SULT1E1: variants seen among roughly 807,000 people sequenced by gnomAD.
SULT1E1 encodes the protein sulfotransferase 1E1.
A neutral mutation model predicts 33.6 loss-of-function variants in SULT1E1; 36 were observed. The ratio of observed to expected loss-of-function variants is 1.07; its 90% confidence interval spans 0.82 to 1.41. The LOEUF is 1.41. SULT1E1 is among the 40% of genes most tolerant of loss of function. The pLI, the probability that SULT1E1 is intolerant of heterozygous loss-of-function variation, is 0.00. For missense variants in SULT1E1, 371 were observed against 345.7 expected, an observed-to-expected ratio of 1.07 and a Z score of -0.58; for synonymous variants, 121 against 111.7, an observed-to-expected ratio of 1.08 and a Z score of -0.53.
At position 69,857,556 on chromosome 4, in the gene SULT1E1, A is replaced by G. The variant is rs780646274; in HGVS notation, c.89T>C (p.Val30Ala). Residue 30 changes from valine (V) to alanine (A), a missense_variant, in exon 2 of 8, where the codon GTG (valine) becomes GCG (alanine). Val to Ala is a moderately conservative substitution (Grantham distance 64). Coordinates refer to ENST00000226444, the MANE Select transcript of SULT1E1 (RefSeq NM_005420.3). ...YKDFVKYWDN[V>A]EAFQARPDDL... is the part of the protein sequence containing the mutation. ...ATCTGGTCTTGCCTGGAACGCTTCC[A>G]CATTATCCCAATATTTGACAAAATC... The G allele has an allele frequency of 6.2e-7, 1 of 1,613,482 alleles. No individual in the cohort carries two copies. The highest frequency in any genetic ancestry group is 1.1e-5 in the South Asian group (1 of 90,940).
At chr4:69,849,283 C>A (rs577427995) in intron 5 of SULT1E1, 154 bp downstream of exon 5, 122 of 771,472 alleles carry the variant, frequency 1.6e-4, no homozygotes, top group Admixed American at 6.0e-4. Context: ...ACACAGTATG[C>A]TTGCTCTAAA....
At chr4:69,845,111 A>G (rs1211890699) in intron 6 of SULT1E1, among the ~76,000 whole-genome samples, 1 of 152,056 alleles carries the variant, frequency 6.6e-6, no homozygotes, top group Non-Finnish European at 1.5e-5. Context: ...AATCTAATTT[A>G]CCACATGTGT....
intron 4 of SULT1E1, 36 bp from the exon 5 acceptor site, chr4:69,849,599 A>T (rs746937455): frequency 6.5e-7 from 1 of 1,527,694 alleles, no homozygotes; most frequent in Non-Finnish European, 8.8e-7. Flanking sequence ...ACCACTTAAC[A>T]TTTTTTTCAA....
the SULT1E1 span, among the ~76,000 whole-genome samples, chr4:69,829,385 T>C: frequency 1.3e-5 from 2 of 152,174 alleles, no homozygotes; most frequent in South Asian, 4.1e-4. Context: ...CCAGAGTTGC[T>C]CCTGGTTTTA....
intron 2 of SULT1E1, among the ~76,000 whole-genome samples, chr4:69,855,878 G>A (rs1227467319): frequency 6.6e-6 from 1 of 152,180 alleles, no homozygotes; most frequent in African/African-American, 2.4e-5. Flanking sequence ...TTTGAAGTCA[G>A]TGACATTGTT....
intron 1 of SULT1E1, 65 bp downstream of exon 1, chr4:69,859,984 A>G (rs1721338090): frequency 6.6e-6 from 1 of 152,026 alleles, no homozygotes; most frequent in South Asian, 2.1e-4. Context: ...GTAATACATA[A>G]TTTTCATTCT....
At chr4:69,848,432 A>G (rs1721027069) in intron 5 of SULT1E1, among the ~76,000 whole-genome samples, 1 of 151,830 alleles carries the variant, frequency 6.6e-6, no homozygotes, top group African/African-American at 2.4e-5. Flanking sequence ...AAGCTGACAA[A>G]ATAATATAAT....
At chr4:69,857,301 C>A (rs1032887510) in intron 2 of SULT1E1, among the ~76,000 whole-genome samples, 199 bp downstream of exon 2, 4 of 152,148 alleles carry the variant, frequency 2.6e-5, no homozygotes, top group East Asian at 1.9e-4. Context: ...TCAACAACAT[C>A]CATTTCTCAA....
downstream of SULT1E1, among the ~76,000 whole-genome samples, chr4:69,840,865 T>C (rs1280076609): frequency 6.6e-6 from 1 of 152,010 alleles, no homozygotes; most frequent in Non-Finnish European, 1.5e-5. Flanking sequence ...GCTAACACTG[T>C]GAAACCCCGT....
chr4:69,853,319 G>A (rs11573763), intron 4 of SULT1E1, among the ~76,000 whole-genome samples: 11,920 of 152,090 alleles, frequency 0.078, 561 homozygotes, highest in African/African-American at 0.13. Context: ...AGTGTAAACC[G>A]TCAGCTTAAT....
At chr4:69,839,337 G>A (rs1429699044), downstream of SULT1E1, among the ~76,000 whole-genome samples, 1 of 152,190 alleles carries the variant, frequency 6.6e-6, no homozygotes, top group East Asian at 1.9e-4. Context: ...GACAGTAAGA[G>A]CCAGAGAGGA....
At chr4:69,859,317 A>G (rs1464682636) in intron 1 of SULT1E1, among the ~76,000 whole-genome samples, 1 of 151,876 alleles carries the variant, frequency 6.6e-6, no homozygotes, top group Non-Finnish European at 1.5e-5. Context: ...AATACTCCCT[A>G]TGTGAATGCC....
At chr4:69,844,374 G>A (rs1256053552) in intron 6 of SULT1E1, 33 bp from the exon 7 acceptor site, 2 of 1,511,640 alleles carry the variant, frequency 1.3e-6, no homozygotes, top group South Asian at 1.2e-5. Flanking sequence ...GAACTAAATT[G>A]CTAAAACTGA....
the SULT1E1 span, among the ~76,000 whole-genome samples, chr4:69,824,815 G>T: frequency 1.3e-5 from 2 of 152,256 alleles, no homozygotes; most frequent in South Asian, 4.2e-4. Flanking sequence ...CAATGAACAG[G>T]ACGTGGGCAG....
At chr4:69,842,213 A>C (rs1226972205) in intron 7 of SULT1E1, 107 bp from the exon 8 acceptor site, 1 of 660,518 alleles carries the variant, frequency 1.5e-6, no homozygotes, top group Non-Finnish European at 2.6e-6. Flanking sequence ...TTATACTTGT[A>C]ATTCTCAATT....
At chr4:69,845,794 G>A (rs567661205) in intron 6 of SULT1E1, among the ~76,000 whole-genome samples, 64 of 151,240 alleles carry the variant, frequency 4.2e-4, no homozygotes, top group Non-Finnish European at 9.2e-4. Flanking sequence ...TTTTGTTTGT[G>A]TGTATTTCAA....
At chr4:69,849,136 A>G (rs1312702431) in intron 5 of SULT1E1, 3 of 202,586 alleles carry the variant, frequency 1.5e-5, no homozygotes, top group Non-Finnish European at 1.0e-5. Context: ...AAAAGAGACA[A>G]GGCAGAAAAT....
At chr4:69,847,831 T>A (rs1042272918) in intron 5 of SULT1E1, 39 bp from the exon 6 acceptor site, 3 of 1,295,434 alleles carry the variant, frequency 2.3e-6, no homozygotes, top group African/African-American at 3.0e-5. Flanking sequence ...AGTGGTATCA[T>A]CTCTAAAACT....
intron 2 of SULT1E1, 57 bp from the exon 3 acceptor site, chr4:69,855,483 A>C: frequency 6.6e-7 from 1 of 1,524,826 alleles, no homozygotes; most frequent in Non-Finnish European, 8.8e-7. Flanking sequence ...TGATGACATT[A>C]GTGCTGCATT....
Sources: allele counts gnomAD v4.1 joint callset (sites outside exome capture counted in the v4.1 genomes callset), GRCh38; gene constraint gnomAD v4.1.1; transcripts MANE v1.5; gene names NCBI Gene and HGNC (gene_info 2026-07-23, HGNC 2026-07-21).